The following MAGI1 variants were observed in gnomAD, a reference collection of about 807,000 sequenced individuals.
MAGI1 encodes the protein membrane associated guanylate kinase, WW and PDZ domain containing 1, also known as membrane-associated guanylate kinase, WW and PDZ domain-containing protein 1.
In MAGI1, 58 loss-of-function variants were observed where a neutral mutation model predicts 139.9. The ratio of observed to expected loss-of-function variants is 0.41; its 90% CI spans 0.34 to 0.52. The LOEUF (loss-of-function observed/expected upper bound fraction) is 0.52, where lower values mean the gene tolerates loss of function less well. Ranked by LOEUF, MAGI1 falls within the 20% of genes least tolerant of loss-of-function variation. The pLI is 0.12. For missense variants in MAGI1, 1,874 were observed against 1,901.6 expected, an observed-to-expected ratio of 0.99 and a Z score of 0.27; for synonymous variants, 812 against 737.9, an observed-to-expected ratio of 1.10 and a Z score of -1.63.
intron 16 of MAGI1, among the ~76,000 whole-genome samples, chr3:65,381,554 A>G (rs1943054756): frequency 1.3e-5 from 2 of 152,128 alleles, no homozygotes; most frequent in African/African-American, 2.4e-5. Context: ...TTTCATAATG[A>G]CCTCATTTGC....
chr3:66,035,276 G>A (rs1274854475), intron 1 of MAGI1, among the ~76,000 whole-genome samples: 1 of 151,512 alleles, frequency 6.6e-6, no homozygotes, highest in Non-Finnish European at 1.5e-5. Flanking sequence ...GAACTGCCAT[G>A]AAGTAGAAAA....
At chr3:65,414,812 T>A (rs2107224813) in intron 12 of MAGI1, among the ~76,000 whole-genome samples, 1 of 148,052 alleles carries the variant, frequency 6.8e-6, no homozygotes, top group East Asian at 2.0e-4. Context: ...GGCAGGCAGA[T>A]CACCTGACCA....
chr3:65,710,893 C>A (rs1335475972), intron 1 of MAGI1, among the ~76,000 whole-genome samples: 2 of 152,148 alleles, frequency 1.3e-5, no homozygotes, highest in African/African-American at 4.8e-5. Flanking sequence ...ACTTTCCTAC[C>A]ATTTCTCCAA....
intron 1 of MAGI1, among the ~76,000 whole-genome samples, chr3:65,679,705 C>T (rs1271693134): frequency 6.6e-6 from 1 of 152,196 alleles, no homozygotes; most frequent in African/African-American, 2.4e-5. Context: ...TCAAGGCCCA[C>T]GACTCTTGGT....
intron 2 of MAGI1, among the ~76,000 whole-genome samples, chr3:65,541,736 A>C (rs922858919): frequency 1.3e-5 from 2 of 152,210 alleles, no homozygotes; most frequent in Non-Finnish European, 2.9e-5. Context: ...CATACTAAAA[A>C]TTCTCAAAAA....
intron 1 of MAGI1, among the ~76,000 whole-genome samples, chr3:65,692,600 G>A (rs2088779435): frequency 6.6e-6 from 1 of 152,152 alleles, no homozygotes; most frequent in African/African-American, 2.4e-5. Context: ...GCTATGGTTT[G>A]AATGTATCCC....
intron 1 of MAGI1, among the ~76,000 whole-genome samples, chr3:65,799,332 C>T (rs549470092): frequency 9.2e-5 from 14 of 152,060 alleles, no homozygotes; most frequent in Non-Finnish European, 1.9e-4. Context: ...AAACATGTGG[C>T]ACCAGGAAGC....
At chr3:65,879,665 A>T (rs1471336801) in intron 1 of MAGI1, among the ~76,000 whole-genome samples, 1 of 152,190 alleles carries the variant, frequency 6.6e-6, no homozygotes, top group Non-Finnish European at 1.5e-5. Context: ...CTCAATTTAG[A>T]GTTATAAGGT....
chr3:65,633,073 A>T (rs10428169), intron 1 of MAGI1, among the ~76,000 whole-genome samples: 29 of 152,214 alleles, frequency 1.9e-4, no homozygotes, highest in African/African-American at 6.8e-4. Context: ...GTGTTTTAAC[A>T]AGCCTTCCAG....
At chr3:65,539,293 G>T (rs1272153586) in intron 2 of MAGI1, among the ~76,000 whole-genome samples, 4 of 151,600 alleles carry the variant, frequency 2.6e-5, no homozygotes, top group Non-Finnish European at 5.9e-5. Context: ...CCATCAAACA[G>T]AAACAAATAC....
In MAGI1 at chr3:65,356,953, A is replaced by T. The variant is rs192423645; in HGVS notation, c.3814T>A (p.Tyr1272Asn). 6.2e-6 allele frequency: 10 copies of T among 1,613,518 alleles called. No homozygotes were observed. The East Asian group carries it at 2.2e-4, about 36-fold the overall frequency. ...HARDPKGSREYSRQPNEHHTW... is the reference protein window; with the variant it reads ...HARDPKGSRENSRQPNEHHTW... ...TGGTGTTCATTGGGTTGTCTGCTAT[A>T]CTCTCTGCTGCCTTTCGGATCCCTT... Residue 1272 changes from tyrosine to asparagine, a missense_variant, in exon 23 of 23, where the codon TAT becomes AAT. Transcript: ENST00000402939.
chr3:65,715,790 T>A (rs2032164562), intron 1 of MAGI1, among the ~76,000 whole-genome samples: 1 of 152,236 alleles, frequency 6.6e-6, no homozygotes, highest in Non-Finnish European at 1.5e-5. Flanking sequence ...GGAAAACACT[T>A]CATTTTATAA....
chr3:65,744,327 C>T (rs1218062383), intron 1 of MAGI1, among the ~76,000 whole-genome samples: 7 of 152,294 alleles, frequency 4.6e-5, no homozygotes, highest in South Asian at 2.1e-4. Flanking sequence ...ATAGGTTAGA[C>T]GATGTGACTC....
At chr3:66,002,190 A>G (rs1272306057) in intron 1 of MAGI1, among the ~76,000 whole-genome samples, 1 of 152,202 alleles carries the variant, frequency 6.6e-6, no homozygotes, top group Non-Finnish European at 1.5e-5. Context: ...AGGCATTTTA[A>G]ATTCGCATTT....
At chr3:65,652,788 T>C (rs1368069099) in intron 1 of MAGI1, among the ~76,000 whole-genome samples, 4 of 152,144 alleles carry the variant, frequency 2.6e-5, no homozygotes, top group African/African-American at 4.8e-5. Flanking sequence ...ACTGAAATAA[T>C]GGCAATATTA....
chr3:65,734,615 T>C (rs937299795), intron 1 of MAGI1, among the ~76,000 whole-genome samples: 2 of 151,462 alleles, frequency 1.3e-5, no homozygotes, highest in Non-Finnish European at 1.5e-5. Flanking sequence ...CTTGTCTACA[T>C]AACCTTCATT....
chr3:65,369,267 C>T (rs139185625), intron 18 of MAGI1, among the ~76,000 whole-genome samples: 2 of 152,148 alleles, frequency 1.3e-5, no homozygotes, highest in Non-Finnish European at 2.9e-5. Context: ...AGAGGAATCA[C>T]GTTTTGGAGG....
chr3:65,516,716 CTCTTTTTTTTTTTTT>C (rs1387721476), intron 2 of MAGI1, among the ~76,000 whole-genome samples: 1 of 92,220 alleles, frequency 1.1e-5, no homozygotes, highest in African/African-American at 3.5e-5. Context: ...TACATCCCAC[CTCTTTTTTTTTTTTT>C]TTTTTTTTTT....
chr3:65,825,025 A>G (rs1249981455), intron 1 of MAGI1, among the ~76,000 whole-genome samples: 3 of 152,228 alleles, frequency 2.0e-5, no homozygotes, highest in African/African-American at 7.2e-5. Context: ...AAACACCCAT[A>G]AAGTAAAGAA....
Sources: gnomAD v4.1 joint callset for allele counts (sites outside exome capture counted in the v4.1 genomes callset) on GRCh38, gnomAD v4.1.1 for gene constraint, MANE v1.5 for transcripts, NCBI Gene and HGNC (gene_info 2026-07-23, HGNC 2026-07-21) for gene names.